NEMP2: variants seen among roughly 807,000 people sequenced by gnomAD.
NEMP2 encodes nuclear envelope integral membrane protein 2.
Under a neutral mutation model 54.2 loss-of-function variants are expected in NEMP2, and 53 were observed. That is an observed-to-expected ratio of 0.98 (90% CI 0.78 to 1.23). The LOEUF is 1.23. Among genes scored for constraint, NEMP2 ranks in the 50% most tolerant of loss-of-function variants. The pLI is 0.00. For missense variants in NEMP2, 455 were observed against 511.3 expected (o/e 0.89, Z 1.06); for synonymous variants, 197 against 190.3 (o/e 1.04, Z -0.29).
the NEMP2 span, among the ~76,000 whole-genome samples, chr2:190,422,945 T>C: frequency 2.6e-5 from 4 of 152,146 alleles, no homozygotes; most frequent in African/African-American, 9.7e-5. Context: ...TCAGTGAGTT[T>C]TTACAAAGTC....
At chr2:190,479,351 T>C in the NEMP2 span, among the ~76,000 whole-genome samples, 3 of 152,168 alleles carry the variant, frequency 2.0e-5, 1 homozygote, top group East Asian at 5.8e-4. Flanking sequence ...GCAGAAAACA[T>C]ATTTCCTACC....
the NEMP2 span, among the ~76,000 whole-genome samples, chr2:190,458,761 C>T: frequency 6.6e-6 from 1 of 152,124 alleles, no homozygotes. The surrounding 1 kb of genome is among the most constrained non-coding windows in gnomAD (Gnocchi z 5.3). Context: ...ACTGTATTGT[C>T]CAATTGAGAA....
At chr2:190,559,446 G>T in the NEMP2 span, among the ~76,000 whole-genome samples, 1 of 152,196 alleles carries the variant, frequency 6.6e-6, no homozygotes, top group Admixed American at 6.5e-5. This position sits in a 1 kb window ranked among gnomAD's most constrained non-coding sequence, Gnocchi z 4.0. Flanking sequence ...GAGGTTGTCA[G>T]GGTGAGTGTA....
At chr2:190,483,766 C>G in the NEMP2 span, among the ~76,000 whole-genome samples, 2 of 137,398 alleles carry the variant, frequency 1.5e-5, no homozygotes, top group East Asian at 4.2e-4. Flanking sequence ...ACCCAGGAGG[C>G]AGAGGATGCG....
At chr2:190,631,839 T>C in the NEMP2 span, among the ~76,000 whole-genome samples, 1 of 152,150 alleles carries the variant, frequency 6.6e-6, no homozygotes, top group Non-Finnish European at 1.5e-5. Flanking sequence ...GCAGGTTGCT[T>C]GAGTCCAGGA....
At chr2:190,436,941 T>C in the NEMP2 span, 2 of 1,614,260 alleles carry the variant, frequency 1.2e-6, no homozygotes, top group South Asian at 2.2e-5. This position sits in a 1 kb window ranked among gnomAD's most constrained non-coding sequence, Gnocchi z 5.3. Context: ...TCAGTGCCTC[T>C]TCTGTCACAA....
At chr2:190,470,101 A>T in the NEMP2 span, among the ~76,000 whole-genome samples, 3 of 152,238 alleles carry the variant, frequency 2.0e-5, no homozygotes, top group Non-Finnish European at 2.9e-5. Flanking sequence ...ACAAAGGAAG[A>T]GGAACTCTAG....
At chr2:190,539,356 G>GTAAT (rs1037771348), upstream of NEMP2, among the ~76,000 whole-genome samples, 15 of 152,194 alleles carry the variant, frequency 9.9e-5, no homozygotes, top group Middle Eastern at 3.4e-3. The surrounding 1 kb of genome is among the most constrained non-coding windows in gnomAD (Gnocchi z 4.1). Context: ...CTATAGCTTT[G>GTAAT]TAATATATTT....
chr2:190,463,424 T>C, the NEMP2 span, among the ~76,000 whole-genome samples: 176 of 152,310 alleles, frequency 1.2e-3, no homozygotes, highest in Non-Finnish European at 2.1e-3. This position sits in a 1 kb window ranked among gnomAD's most constrained non-coding sequence, Gnocchi z 4.4. Context: ...GTCTCCACTC[T>C]AATCAGCAGC....
At chr2:190,439,366 ATTTG>A in the NEMP2 span, among the ~76,000 whole-genome samples, 6 of 151,626 alleles carry the variant, frequency 4.0e-5, no homozygotes, top group African/African-American at 1.2e-4. The surrounding 1 kb of genome is among the most constrained non-coding windows in gnomAD (Gnocchi z 5.8). Flanking sequence ...TTCACGTTTT[ATTTG>A]TTTATTTTTT....
At chr2:190,635,090 C>A in the NEMP2 span, among the ~76,000 whole-genome samples, 1 of 152,132 alleles carries the variant, frequency 6.6e-6, no homozygotes, top group Non-Finnish European at 1.5e-5. This position sits in a 1 kb window ranked among gnomAD's most constrained non-coding sequence, Gnocchi z 4.1. Context: ...TTCTGTGATC[C>A]CTTGAATAGC....
chr2:190,472,457 T>C, the NEMP2 span, among the ~76,000 whole-genome samples: 2 of 152,316 alleles, frequency 1.3e-5, no homozygotes, highest in East Asian at 3.9e-4. Context: ...CCTTAGTAGC[T>C]GATTTGATCA....
the NEMP2 span, chr2:190,469,883 T>A: frequency 6.7e-7 from 1 of 1,502,064 alleles, no homozygotes; most frequent in South Asian, 1.2e-5. This position sits in a 1 kb window ranked among gnomAD's most constrained non-coding sequence, Gnocchi z 5.3. Flanking sequence ...ATTGAAATTA[T>A]TTCTCTGCCT....
At chr2:190,467,399 G>A in the NEMP2 span, among the ~76,000 whole-genome samples, 1 of 152,174 alleles carries the variant, frequency 6.6e-6, no homozygotes, top group African/African-American at 2.4e-5. This position sits in a 1 kb window ranked among gnomAD's most constrained non-coding sequence, Gnocchi z 5.5. Context: ...GACTACCTGA[G>A]GTCAGGAGTT....
At chr2:190,425,315 GTCTTTTGTTT>G in the NEMP2 span, among the ~76,000 whole-genome samples, 12 of 152,266 alleles carry the variant, frequency 7.9e-5, 2 homozygotes, top group South Asian at 2.5e-3. This position sits in a 1 kb window ranked among gnomAD's most constrained non-coding sequence, Gnocchi z 4.3. Flanking sequence ...TGATCTGTAT[GTCTTTTGTTT>G]TCTTTTATTT....
Position 190,514,501 on chromosome 2 carries a change from G to A in NEMP2, c.905C>T (p.Ser302Phe). ...CAGTGGGTAGTGCAGACTCCAGGAG[G>A]ACATGAGGAGGATTATGGCTGCATA... ...FAYAAIILLM[S>F]SWSLHYPLRA... Residue 302 changes from serine to phenylalanine, a missense_variant, in exon 7 of 9, where the codon TCC becomes TTC. Coordinates refer to ENST00000409150, the MANE Select transcript of NEMP2 (RefSeq NM_001142645.2). This position sits in a 1 kb window ranked among gnomAD's most constrained non-coding sequence, Gnocchi z 5.7. 6.4e-7 allele frequency: 1 copy of A among 1,551,638 alleles called. No homozygotes were observed.
At chr2:190,577,194 G>A in the NEMP2 span, among the ~76,000 whole-genome samples, 1 of 152,134 alleles carries the variant, frequency 6.6e-6, no homozygotes, top group East Asian at 1.9e-4. The surrounding 1 kb of genome is among the most constrained non-coding windows in gnomAD (Gnocchi z 4.8). Flanking sequence ...GTTTTTGAAT[G>A]CAAAATTTAT....
chr2:190,476,091 C>A, the NEMP2 span, among the ~76,000 whole-genome samples: 21 of 152,232 alleles, frequency 1.4e-4, no homozygotes, highest in African/African-American at 4.1e-4. Flanking sequence ...AAATGTTAGA[C>A]CTAAAACCAT....
the NEMP2 span, among the ~76,000 whole-genome samples, chr2:190,445,468 A>AAC: frequency 3.1e-3 from 457 of 146,412 alleles, 5 homozygotes; most frequent in African/African-American, 0.011. Context: ...AAAAAAAAAA[A>AAC]CCCCGACTAT....
Sources: allele counts gnomAD v4.1 joint callset (sites outside exome capture counted in the v4.1 genomes callset), GRCh38; gene constraint gnomAD v4.1.1; non-coding constraint Gnocchi (gnomAD v3.1); transcripts MANE v1.5; gene names NCBI Gene and HGNC (gene_info 2026-07-23, HGNC 2026-07-21).